Variants in FUBP3 observed in about 807,000 individuals in gnomAD.
The protein encoded by FUBP3 is far upstream element-binding protein 3.
FUBP3 carries 28 observed loss-of-function variants against 85.6 expected under a neutral mutation model. The ratio of observed to expected loss-of-function variants is 0.33; its 90% CI spans 0.24 to 0.45. The LOEUF (loss-of-function observed/expected upper bound fraction) is 0.45, where lower values mean the gene tolerates loss of function less well. FUBP3 is among the 20% of genes least tolerant of loss of function. The pLI is 1.00. For missense variants in FUBP3, 583 were observed against 755.1 expected (o/e 0.77, Z 2.67); for synonymous variants, 271 against 271.4 (o/e 1.00, Z 0.01).
chr9:130,587,055 G>GTTTTTTTT (rs369585277), intron 1 of FUBP3, among the ~76,000 whole-genome samples: 4 of 119,366 alleles, frequency 3.4e-5, no homozygotes, highest in African/African-American at 7.2e-5. Flanking sequence ...GGCGTTTTTT[G>GTTTTTTTT]TTTTTTTTTT....
chr9:130,595,623 G>T, intron 2 of FUBP3, 35 bp downstream of exon 2: 1 of 902,454 alleles, frequency 1.1e-6, no homozygotes, highest in Non-Finnish European at 1.9e-6. Flanking sequence ...CTTTCAGGTG[G>T]TAGTGAACCT....
intron 8 of FUBP3, among the ~76,000 whole-genome samples, chr9:130,618,491 C>T (rs536623506): frequency 1.7e-4 from 26 of 152,226 alleles, no homozygotes; most frequent in Non-Finnish European, 3.1e-4. Context: ...GGGACAGCCC[C>T]GCTGGCTGGA....
chr9:130,609,472 G>A (rs546058982), intron 2 of FUBP3, among the ~76,000 whole-genome samples: 3 of 152,132 alleles, frequency 2.0e-5, no homozygotes, highest in African/African-American at 7.2e-5. Flanking sequence ...GCACCAGGGG[G>A]CGTCTCCTCC....
intron 7 of FUBP3, among the ~76,000 whole-genome samples, chr9:130,617,404 A>C (rs1226027067): frequency 2.0e-5 from 3 of 152,154 alleles, no homozygotes; most frequent in Non-Finnish European, 4.4e-5. Context: ...TTGGTCCGCC[A>C]CTCATTAGCT....
intron 8 of FUBP3, among the ~76,000 whole-genome samples, chr9:130,619,837 T>C (rs1016737982): frequency 2.0e-5 from 3 of 152,198 alleles, no homozygotes; most frequent in African/African-American, 7.2e-5. Context: ...GTTGTTGTTG[T>C]TGTTGTTTGT....
chr9:130,630,536 C>A, intron 12 of FUBP3, 92 bp from the exon 13 acceptor site: 1 of 1,014,190 alleles, frequency 9.9e-7, no homozygotes, highest in Non-Finnish European at 1.4e-6. Flanking sequence ...CACAAAATCC[C>A]CCCGAGTTGT....
Position 130,630,718 on chromosome 9 carries a change from G to A in FUBP3, c.1208G>A (p.Arg403Gln), listed in dbSNP as rs1403389562. 5.0e-6 allele frequency: 8 copies of A among 1,586,304 alleles called. No individual in the cohort carries two copies. Among genetic ancestry groups the A allele is most frequent in the East Asian group, 2.4e-5 (1 of 42,400 alleles). ...NPPPNSDPNLRRFTIRGVPQQ... is the reference protein window; with the variant it reads ...NPPPNSDPNLQRFTIRGVPQQ... Reference sequence around the variant, plus strand: ...CCTCCCAACAGCGACCCCAACCTGCGGAGATTCACCATCAGGGGGGTTCCC... The same window carrying A: ...CCTCCCAACAGCGACCCCAACCTGCAGAGATTCACCATCAGGGGGGTTCCC... Residue 403 changes from arginine to glutamine, a missense_variant, in exon 13 of 19, where the codon CGG (arginine) becomes CAG (glutamine). By Grantham distance (43) the Arg-to-Gln change is conservative. Around this residue, in one of 3 missense-constraint regions of FUBP3, gnomAD observed 404 missense variants for 516.8 expected, o/e 0.78. Coordinates refer to ENST00000319725, the MANE Select transcript of FUBP3 (RefSeq NM_003934.2).
chr9:130,623,758 A>T (rs761286072), intron 11 of FUBP3, 47 bp downstream of exon 11: 2 of 1,308,140 alleles, frequency 1.5e-6, no homozygotes, highest in Admixed American at 3.4e-5. Flanking sequence ...GCAGAAGTGG[A>T]AAGTGCTACC....
In FUBP3 at chr9:130,631,596, C is replaced by G. The variant is rs769232497; in HGVS notation, c.1318C>G (p.Pro440Ala). 8 of 1,613,882 alleles carry G rather than the reference C, an allele frequency of 5.0e-6. No individual in the cohort carries two copies. In the African/African-American group the frequency reaches 9.3e-5, roughly 19 times the overall value. Reference protein sequence around the residue: ...LGAPGAFGQSPFSQPPAPPHQ... With the variant: ...LGAPGAFGQSAFSQPPAPPHQ... The stretch of plus-strand genomic sequence containing the variant: ...AGCACCTGGAGCCTTCGGACAGAGT[C>G]CATTCAGCCAGCCACCTGCCCCACC... The change falls in exon 14 of 19, where the codon CCA becomes GCA. Residue 440 changes from proline (P) to alanine (A), a missense_variant. By Grantham distance (27) the Pro-to-Ala change is conservative. This residue lies in a region of FUBP3 where 404 missense variants were observed against 516.8 expected (regional missense o/e 0.78). Coordinates refer to ENST00000319725, the MANE Select transcript of FUBP3 (RefSeq NM_003934.2).
intron 1 of FUBP3, among the ~76,000 whole-genome samples, chr9:130,589,714 T>TTA (rs1830531978): frequency 8.6e-6 from 1 of 116,548 alleles, no homozygotes; most frequent in African/African-American, 3.5e-5. Flanking sequence ...TATTTTTTTT[T>TTA]TTTTTTTTTT....
intron 1 of FUBP3, among the ~76,000 whole-genome samples, chr9:130,589,702 TA>T (rs1238229572): frequency 0.02 from 621 of 31,434 alleles, 5 homozygotes; most frequent in East Asian, 0.04. Flanking sequence ...TATATATATA[TA>T]TATTTTTTTT....
Position 130,626,411 on chromosome 9 carries a change from T to A in FUBP3, c.1023T>A (p.Arg341=), listed in dbSNP as rs533409196. ...GGLAAARGRG[R]GRGDWSVGAP... Reference sequence around the variant, plus strand: ...TGGCAGCAGCCAGAGGAAGAGGTCGTGGCCGTGGCGACTGGAGCGTGGGAG... The same window carrying A: ...TGGCAGCAGCCAGAGGAAGAGGTCGAGGCCGTGGCGACTGGAGCGTGGGAG... Residue 341 remains arginine, a synonymous_variant, in exon 12 of 19, where the codon CGT becomes CGA. Coordinates refer to ENST00000319725, the MANE Select transcript of FUBP3 (RefSeq NM_003934.2). 1.2e-6 allele frequency: 2 copies of A among 1,614,014 alleles called. No homozygotes were observed. The highest frequency in any genetic ancestry group is 2.7e-5 in the African/African-American group (2 of 75,052).
chr9:130,589,706 T>TATATATATATA (rs71499252), intron 1 of FUBP3, among the ~76,000 whole-genome samples: 60 of 39,944 alleles, frequency 1.5e-3, no homozygotes, highest in Middle Eastern at 0.014. Flanking sequence ...TATATATATA[T>TATATATATATA]TTTTTTTTTT....
chr9:130,612,600 T>C lies in FUBP3; in HGVS notation c.274+95T>C, dbSNP rs1268630058. 1.2e-6 allele frequency: 1 copy of C among 817,596 alleles called. No individual in the cohort carries two copies. The highest frequency in any genetic ancestry group is 1.7e-5 in the African/African-American group (1 of 58,564). The allele number at this position is 817,596 out of a possible 1,614,324, so 50.6% of individuals were successfully genotyped here. A position where few individuals can be genotyped will look rare whatever the true frequency, so the allele number is the denominator to read the frequency against. On this transcript the variant is annotated intron_variant, in intron 4 of 18. Transcript: ENST00000319725. This position sits in a 1 kb window ranked among gnomAD's most constrained non-coding sequence, Gnocchi z 4.1. ...GCTTTGCCAGGATGTTCTTTTTGTTTTAATCTCTCTTGTGAGTATCACCTG... is the reference window on the plus strand; with the variant it reads ...GCTTTGCCAGGATGTTCTTTTTGTTCTAATCTCTCTTGTGAGTATCACCTG...
intron 1 of FUBP3, among the ~76,000 whole-genome samples, chr9:130,590,658 T>C (rs1223428817): frequency 1.3e-5 from 2 of 152,200 alleles, no homozygotes; most frequent in Non-Finnish European, 2.9e-5. Flanking sequence ...CTCACTTCCC[T>C]TAAGTAACTA....
rs995985236 is a variant in FUBP3, at chr9:130,616,535, A to C, written c.567+18A>C. 20 of 1,603,250 alleles carry C rather than the reference A, an allele frequency of 1.2e-5. No homozygotes were observed. Among genetic ancestry groups the C allele is most frequent in the Non-Finnish European group, 1.7e-5 (20 of 1,170,356 alleles). ...AGTTGCAGGTGTGTGAGCCCGGAGC[A>C]CGGAGCACAGCGGCCGCTCGCAGCA... On this transcript the variant is annotated intron_variant, in intron 7 of 18. Transcript: ENST00000319725. The surrounding 1 kb of genome is among the most constrained non-coding windows in gnomAD (Gnocchi z 4.7).
chr9:130,611,681 T>C (rs1426804925), intron 3 of FUBP3, among the ~76,000 whole-genome samples: 1 of 151,244 alleles, frequency 6.6e-6, no homozygotes, highest in Admixed American at 6.6e-5. Flanking sequence ...GCATTTAGCA[T>C]CCTCCCAAGG....
Position 130,588,436 on chromosome 9 carries a change from T to A in FUBP3, c.85-7047T>A, listed in dbSNP as rs145535340. On this transcript the variant is annotated intron_variant, in intron 1 of 18. Coordinates refer to ENST00000319725, the MANE Select transcript of FUBP3 (RefSeq NM_003934.2). ...TCCTGGTGATGTTTCTTGATCTAGG[T>A]GCTAGTTACATAGGTATTTTAGTGT... Among the ~76,000 whole-genome samples the A allele has an allele frequency of 5.7e-4, 87 of 152,250 alleles. No individual in the cohort carries two copies. The East Asian group carries it at 0.016, about 28-fold the overall frequency.
chr9:130,607,025 C>T (rs754435733), intron 2 of FUBP3, among the ~76,000 whole-genome samples: 9 of 152,118 alleles, frequency 5.9e-5, no homozygotes, highest in East Asian at 3.9e-4. Context: ...GGCTGGAGTG[C>T]AATGACACGA....
Sources: allele counts gnomAD v4.1 joint callset (sites outside exome capture counted in the v4.1 genomes callset), GRCh38; gene constraint gnomAD v4.1.1; regional missense constraint gnomAD v4.1.1; non-coding constraint Gnocchi (gnomAD v3.1); transcripts MANE v1.5; gene names NCBI Gene and HGNC (gene_info 2026-07-23, HGNC 2026-07-21).